The following VWA8 variants were observed in gnomAD, a reference collection of about 807,000 sequenced individuals.
The protein encoded by VWA8 is von Willebrand factor A domain-containing protein 8.
Under a neutral mutation model 241.5 loss-of-function variants are expected in VWA8, and 221 were observed. The observed-to-expected ratio is 0.91, with a 90% CI of 0.82 to 1.02. The LOEUF (loss-of-function observed/expected upper bound fraction) is 1.02, where lower values mean the gene tolerates loss of function less well. Among genes scored for constraint, VWA8 ranks in the 50% least tolerant of loss-of-function variants. The probability of loss-of-function intolerance (pLI) is 0.00; values close to 1 mark genes in which losing one functional copy is unlikely to be tolerated. For missense variants in VWA8, 2,322 were observed against 2,328.7 expected (o/e 1.00, Z 0.06); for synonymous variants, 852 against 827.1 (o/e 1.03, Z -0.52).
At chr13:41,852,500 T>C (rs533769637) in intron 12 of VWA8, among the ~76,000 whole-genome samples, 1 of 152,192 alleles carries the variant, frequency 6.6e-6, no homozygotes, top group Non-Finnish European at 1.5e-5. Flanking sequence ...TGGCTGCCTA[T>C]GCTTTTGGTA....
At chr13:41,784,008 A>C (rs1869023111) in intron 18 of VWA8, 107 bp from the exon 19 acceptor site, 6 of 746,856 alleles carry the variant, frequency 8.0e-6, no homozygotes, top group Non-Finnish European at 1.1e-5. Context: ...TGTGGATTTT[A>C]ATTTAACATC....
intron 17 of VWA8, among the ~76,000 whole-genome samples, chr13:41,803,454 A>G (rs1450862342): frequency 6.6e-6 from 1 of 152,224 alleles, no homozygotes; most frequent in African/African-American, 2.4e-5. Context: ...ATGGACTCAC[A>G]GTTCCATGTG....
intron 12 of VWA8, among the ~76,000 whole-genome samples, chr13:41,838,922 G>C (rs1871865742): frequency 1.3e-5 from 2 of 152,144 alleles, no homozygotes. Flanking sequence ...TTGCTTCCAA[G>C]TCTTTGCTAT....
intron 2 of VWA8, among the ~76,000 whole-genome samples, chr13:41,931,721 A>G (rs1260581379): frequency 6.6e-6 from 1 of 152,100 alleles, no homozygotes; most frequent in Non-Finnish European, 1.5e-5. Context: ...AAACTAACAC[A>G]TGGGCAAAGA....
chr13:41,686,907 C>T (rs2045140024), intron 34 of VWA8, among the ~76,000 whole-genome samples: 1 of 152,078 alleles, frequency 6.6e-6, no homozygotes, highest in South Asian at 2.1e-4. Flanking sequence ...CACAGGAATG[C>T]CATCTTCATC....
At chr13:41,608,774 T>C (rs2044568745) in intron 39 of VWA8, among the ~76,000 whole-genome samples, 1 of 152,304 alleles carries the variant, frequency 6.6e-6, no homozygotes, top group East Asian at 1.9e-4. Flanking sequence ...ACTGGTATAA[T>C]GTTTCTGTTC....
intron 20 of VWA8, among the ~76,000 whole-genome samples, chr13:41,773,886 C>CATTAT: frequency 6.6e-6 from 1 of 152,204 alleles, no homozygotes; most frequent in Middle Eastern, 3.4e-3. Context: ...ATAATGCTGC[C>CATTAT]AGTCTCTGAT....
intron 37 of VWA8, among the ~76,000 whole-genome samples, chr13:41,622,468 C>A (rs1414250625): frequency 6.6e-6 from 1 of 152,130 alleles, no homozygotes; most frequent in Non-Finnish European, 1.5e-5. Context: ...CTGACATAAA[C>A]ACTACTGAAT....
At chr13:41,656,529 A>C (rs915458040) in intron 37 of VWA8, among the ~76,000 whole-genome samples, 1 of 152,228 alleles carries the variant, frequency 6.6e-6, no homozygotes, top group Non-Finnish European at 1.5e-5. Flanking sequence ...CAGCAACTGG[A>C]AAGTCTCATA....
At chr13:41,637,340 A>T (rs2044765342) in intron 37 of VWA8, among the ~76,000 whole-genome samples, 1 of 146,308 alleles carries the variant, frequency 6.8e-6, no homozygotes, top group African/African-American at 2.5e-5. Flanking sequence ...GCATGTTCTC[A>T]CTCATAGGTG....
At chr13:41,707,349 C>CAATATGAAAG (rs1417263350) in intron 26 of VWA8, among the ~76,000 whole-genome samples, 9 of 152,122 alleles carry the variant, frequency 5.9e-5, no homozygotes, top group Non-Finnish European at 1.5e-5. Flanking sequence ...TGAAAGAAAA[C>CAATATGAAAG]ACATGCAAAA....
At chr13:41,642,562 CAAA>C (rs1156882566) in intron 37 of VWA8, among the ~76,000 whole-genome samples, 4 of 61,522 alleles carry the variant, frequency 6.5e-5, no homozygotes, top group African/African-American at 6.2e-5. Flanking sequence ...CCGTCTCAAA[CAAA>C]AAAAAAAAAA....
chr13:41,725,170 G>C (rs979379692), intron 24 of VWA8, among the ~76,000 whole-genome samples: 1 of 151,102 alleles, frequency 6.6e-6, no homozygotes, highest in Non-Finnish European at 1.5e-5. Context: ...TCATAAATGT[G>C]AAAGATCATG....
intron 42 of VWA8, among the ~76,000 whole-genome samples, chr13:41,583,339 A>G (rs891500806): frequency 3.3e-5 from 5 of 152,092 alleles, no homozygotes; most frequent in African/African-American, 4.8e-5. Context: ...CAACCAGAAA[A>G]TCCAGTATAA....
At chr13:41,902,315 C>A (rs1566500429) in intron 4 of VWA8, among the ~76,000 whole-genome samples, 1 of 152,098 alleles carries the variant, frequency 6.6e-6, no homozygotes, top group South Asian at 2.1e-4. Flanking sequence ...ACATGGCATA[C>A]CATTTTTGTA....
At chr13:41,947,272 C>A (rs974991523) in intron 2 of VWA8, among the ~76,000 whole-genome samples, 19 of 152,144 alleles carry the variant, frequency 1.2e-4, no homozygotes, top group African/African-American at 4.3e-4. Flanking sequence ...GTGGAAGAAT[C>A]TGAAGAGTGA....
intron 17 of VWA8, among the ~76,000 whole-genome samples, chr13:41,790,686 T>C (rs1051872459): frequency 6.6e-6 from 1 of 151,978 alleles, no homozygotes; most frequent in Non-Finnish European, 1.5e-5. Context: ...CAGAGACCTC[T>C]AATTAATTTT....
chr13:41,951,332 G>A (rs555637842), intron 1 of VWA8, among the ~76,000 whole-genome samples: 4 of 152,202 alleles, frequency 2.6e-5, no homozygotes, highest in Admixed American at 1.3e-4. Context: ...CAGGAGAATC[G>A]CTTAAAGCCA....
chr13:41,593,159 T>C (rs1054512713), intron 40 of VWA8, among the ~76,000 whole-genome samples: 1 of 152,196 alleles, frequency 6.6e-6, no homozygotes, highest in Non-Finnish European at 1.5e-5. Context: ...CACAATATAA[T>C]TCTGGGTATT....
Sources: gnomAD v4.1 joint callset for allele counts (sites outside exome capture counted in the v4.1 genomes callset) on GRCh38, gnomAD v4.1.1 for gene constraint, MANE v1.5 for transcripts, NCBI Gene and HGNC (gene_info 2026-07-23, HGNC 2026-07-21) for gene names.